The following DISC1 variants were observed in gnomAD, a reference collection of about 807,000 sequenced individuals.
DISC1 encodes the protein DISC1 scaffold protein.
In DISC1, 57 loss-of-function variants were observed where a neutral mutation model predicts 84.5. The observed-to-expected ratio is 0.67, with a 90% CI of 0.55 to 0.84. DISC1 has a LOEUF of 0.84. DISC1 is among the 40% of genes least tolerant of loss of function. DISC1 has a pLI of 0.00. For synonymous variants in DISC1, 411 were observed against 415.2 expected (o/e 0.99, Z 0.12); for missense variants, 1,000 against 1,057.8 (o/e 0.95, Z 0.76).
chr1:231,862,111 A>G (rs1225362598), intron 9 of DISC1, among the ~76,000 whole-genome samples: 3 of 152,210 alleles, frequency 2.0e-5, no homozygotes, highest in Non-Finnish European at 4.4e-5. Context: ...CACACCTGAC[A>G]ACAGTTATAT....
intron 1 of DISC1, among the ~76,000 whole-genome samples, chr1:231,666,266 C>T (rs200461551): frequency 3.6e-5 from 5 of 139,562 alleles, no homozygotes; most frequent in East Asian, 2.1e-4. Flanking sequence ...TCTTATATCT[C>T]GTAGAATGTC....
intron 4 of DISC1, among the ~76,000 whole-genome samples, chr1:231,760,643 G>C (rs1309976913): frequency 6.6e-6 from 1 of 152,170 alleles, no homozygotes; most frequent in Non-Finnish European, 1.5e-5. Context: ...AACAACATTA[G>C]GGGTCTCAGA....
chr1:231,713,709 T>TATATATATAGGAG (rs551706616), intron 3 of DISC1, among the ~76,000 whole-genome samples: 4 of 71,858 alleles, frequency 5.6e-5, no homozygotes, highest in African/African-American at 1.6e-4. Context: ...AGGAGATATA[T>TATATATATAGGAG]ATATATATAT....
Position 231,720,974 on chromosome 1 carries a change from T to C in DISC1, c.1117+18950T>C, listed in dbSNP as rs1259555383. 4.6e-6 allele frequency: 6 copies of C among 1,290,826 alleles called. No individual in the cohort carries two copies. The East Asian group carries it at 2.8e-4, about 60-fold the overall frequency. 80.0% of individuals were successfully genotyped at this position (1,290,826 alleles called of 1,614,324 possible). ...AGTCACTGGAAGGGTTACATTTTCA[T>C]TTGGGGTGAACAGCAACTGTGGATA... is the stretch of plus-strand genomic sequence containing the variant. On this transcript the variant is annotated intron_variant, in intron 3 of 12. Transcript: ENST00000439617.
rs1400461973 is a variant in DISC1 at position 231,701,940 on chromosome 1, T to C, written c.1048-15T>C. Reference sequence around the variant, plus strand: ...TATTGTAATTTTTTATTTTTTCCCCTTTAAACCAACATAGGTAATATCCTT... The same window carrying C: ...TATTGTAATTTTTTATTTTTTCCCCCTTAAACCAACATAGGTAATATCCTT... On this transcript the variant is annotated splice_polypyrimidine_tract_variant and intron_variant, in intron 2 of 12. Coordinates refer to ENST00000439617, the MANE Select transcript of DISC1 (RefSeq NM_018662.3). 1 of 1,590,020 alleles carries C rather than the reference T, an allele frequency of 6.3e-7. No homozygotes were observed. The highest frequency in any genetic ancestry group is 1.3e-5 in the African/African-American group (1 of 74,392).
intron 9 of DISC1, among the ~76,000 whole-genome samples, chr1:231,834,891 C>A (rs1286356423): frequency 6.6e-6 from 1 of 152,202 alleles, no homozygotes; most frequent in East Asian, 1.9e-4. Flanking sequence ...TGATTAAACA[C>A]CAAGCGAAGA....
chr1:231,737,532 GTT>G (rs1558453773), intron 3 of DISC1, among the ~76,000 whole-genome samples: 2 of 152,196 alleles, frequency 1.3e-5, no homozygotes, highest in South Asian at 4.1e-4. Flanking sequence ...AGAAAGGTGA[GTT>G]ATGTTTTTTT....
At chr1:231,691,784 G>C (rs1368015598) in intron 1 of DISC1, among the ~76,000 whole-genome samples, 1 of 152,174 alleles carries the variant, frequency 6.6e-6, no homozygotes, top group South Asian at 2.1e-4. Context: ...TGAGTAGTGC[G>C]TGTGCCTGAG....
At chr1:231,716,776 T>C (rs2068789182) in intron 3 of DISC1, among the ~76,000 whole-genome samples, 1 of 152,202 alleles carries the variant, frequency 6.6e-6, no homozygotes, top group Non-Finnish European at 1.5e-5. Context: ...ATTTAATCTT[T>C]CCATTTAAAA....
intron 3 of DISC1, among the ~76,000 whole-genome samples, chr1:231,717,531 A>G (rs1221914634): frequency 6.6e-6 from 1 of 152,064 alleles, no homozygotes; most frequent in African/African-American, 2.4e-5. Context: ...TGCATTGGCC[A>G]TTTCAGTTTT....
At chr1:231,917,457 G>A (rs897002014) in intron 9 of DISC1, among the ~76,000 whole-genome samples, 1 of 152,200 alleles carries the variant, frequency 6.6e-6, no homozygotes. Context: ...GTCTTCAGAT[G>A]CTTTATGTAG....
chr1:231,672,575 T>C (rs1398148108), intron 1 of DISC1, among the ~76,000 whole-genome samples: 1 of 152,202 alleles, frequency 6.6e-6, no homozygotes, highest in Non-Finnish European at 1.5e-5. Context: ...CTTTGTGCTG[T>C]CCTTAGTATA....
At chr1:231,665,241 A>G (rs988018594) in intron 1 of DISC1, among the ~76,000 whole-genome samples, 1 of 152,264 alleles carries the variant, frequency 6.6e-6, no homozygotes, top group African/African-American at 2.4e-5. Flanking sequence ...AACCGTCTGC[A>G]CATGAGCAGT....
At chr1:231,781,423 T>C (rs1173974533) in intron 6 of DISC1, among the ~76,000 whole-genome samples, 1 of 152,144 alleles carries the variant, frequency 6.6e-6, no homozygotes, top group Non-Finnish European at 1.5e-5. Flanking sequence ...CTCATCCATT[T>C]CTCTTTTATA....
chr1:231,835,225 C>T (rs1012366901), intron 9 of DISC1, among the ~76,000 whole-genome samples: 5 of 152,194 alleles, frequency 3.3e-5, no homozygotes, highest in Non-Finnish European at 7.3e-5. Flanking sequence ...ATCTGAGTCA[C>T]GGCACCAAAT....
chr1:231,692,321 A>G (rs376456173), intron 1 of DISC1, among the ~76,000 whole-genome samples: 1 of 152,132 alleles, frequency 6.6e-6, no homozygotes, highest in East Asian at 1.9e-4. Context: ...CCGGGCAGCA[A>G]TAGCCCTTTT....
At chr1:231,839,183 T>A (rs1558634827) in intron 9 of DISC1, among the ~76,000 whole-genome samples, 3 of 152,120 alleles carry the variant, frequency 2.0e-5, no homozygotes, top group Admixed American at 1.3e-4. Context: ...GAGCACAGAC[T>A]CAGAGGTCGG....
In DISC1 at chr1:232,027,781, A is replaced by T. The variant is rs554238735; in HGVS notation, c.2425+1229A>T. On this transcript the variant is annotated intron_variant, in intron 12 of 12. Transcript: ENST00000439617. The stretch of plus-strand genomic sequence containing the variant: ...ACTTTTTAGAATTCCAGTTTTTACC[A>T]TACTTTATGGGCTGTGTGTGTGTGT... Among the ~76,000 whole-genome samples the T allele has an allele frequency of 4.7e-5, 7 of 147,482 alleles. No individual in the cohort carries two copies. In the South Asian group the frequency reaches 1.5e-3, roughly 32 times the overall value.
chr1:232,005,675 A>G (rs777123866), intron 10 of DISC1, among the ~76,000 whole-genome samples: 2 of 151,832 alleles, frequency 1.3e-5, no homozygotes, highest in Non-Finnish European at 2.9e-5. Context: ...TCATTTATGG[A>G]CATGGGCTTT....
Sources: gnomAD v4.1 joint callset for allele counts (sites outside exome capture counted in the v4.1 genomes callset) on GRCh38, gnomAD v4.1.1 for gene constraint, MANE v1.5 for transcripts, NCBI Gene and HGNC (gene_info 2026-07-23, HGNC 2026-07-21) for gene names.